The following TENM3 variants were observed in gnomAD, a reference collection of about 807,000 sequenced individuals.
TENM3 encodes teneurin transmembrane protein 3, also known as teneurin-3.
TENM3 carries 63 observed loss-of-function variants against 255.1 expected under a neutral mutation model. That is an observed-to-expected ratio of 0.25 (90% CI 0.20 to 0.30). The LOEUF is 0.30. TENM3 is among the 10% of genes least tolerant of loss of function. The probability of loss-of-function intolerance (pLI) is 1.00; values close to 1 mark genes in which losing one functional copy is unlikely to be tolerated. For synonymous variants in TENM3, 1,306 were observed against 1,322.3 expected (o/e 0.99, Z 0.27); for missense variants, 2,929 against 3,461.1 (o/e 0.85, Z 3.86).
the TENM3 span, among the ~76,000 whole-genome samples, chr4:181,724,488 C>G: frequency 6.6e-6 from 1 of 151,922 alleles, no homozygotes; most frequent in South Asian, 2.1e-4. Flanking sequence ...TTGTAATTTC[C>G]AAAAGCTCTT....
chr4:181,933,209 G>A, the TENM3 span, among the ~76,000 whole-genome samples: 188 of 152,240 alleles, frequency 1.2e-3, no homozygotes, highest in East Asian at 0.012. Flanking sequence ...CGTTTCTGAA[G>A]CCCAGTCAAA....
the TENM3 span, among the ~76,000 whole-genome samples, chr4:182,037,588 C>T: frequency 6.6e-5 from 10 of 152,112 alleles, no homozygotes; most frequent in Non-Finnish European, 1.2e-4. Flanking sequence ...TCTGCAGGAG[C>T]GAGTTACCAC....
intron 1 of TENM3, among the ~76,000 whole-genome samples, chr4:182,148,333 G>A (rs1395816820): frequency 1.3e-5 from 2 of 152,096 alleles, no homozygotes; most frequent in African/African-American, 4.8e-5. Context: ...CCAAACGAGT[G>A]TGATGGCTTG....
the TENM3 span, among the ~76,000 whole-genome samples, chr4:182,041,124 C>G: frequency 6.6e-6 from 1 of 152,084 alleles, no homozygotes; most frequent in African/African-American, 2.4e-5. Flanking sequence ...ACAGCGTAAC[C>G]TAAGATCTAA....
the TENM3 span, among the ~76,000 whole-genome samples, chr4:181,998,074 C>T: frequency 1.3e-5 from 2 of 152,318 alleles, no homozygotes; most frequent in African/African-American, 4.8e-5. Context: ...CTGTTTGCCA[C>T]TAACATGCTT....
intron 5 of TENM3, among the ~76,000 whole-genome samples, chr4:182,635,138 T>C (rs1751739651): frequency 6.6e-6 from 1 of 152,250 alleles, no homozygotes; most frequent in Non-Finnish European, 1.5e-5. Context: ...ATGAACTTTT[T>C]AAGGAACACT....
At chr4:182,066,721 T>C in the TENM3 span, among the ~76,000 whole-genome samples, 48 of 151,594 alleles carry the variant, frequency 3.2e-4, no homozygotes, top group East Asian at 9.7e-4. Flanking sequence ...CCGTCCTGGC[T>C]AACACCATGA....
the TENM3 span, among the ~76,000 whole-genome samples, chr4:181,652,384 C>A: frequency 1.3e-5 from 2 of 152,220 alleles, no homozygotes; most frequent in Non-Finnish European, 2.9e-5. Flanking sequence ...CTCGCCTACA[C>A]TCTCTACGAA....
chr4:182,026,804 G>A, the TENM3 span, among the ~76,000 whole-genome samples: 8 of 152,082 alleles, frequency 5.3e-5, no homozygotes, highest in Non-Finnish European at 1.0e-4. Flanking sequence ...TCTTTACTCT[G>A]TTCCATTTGA....
intron 24 of TENM3, among the ~76,000 whole-genome samples, chr4:182,784,759 T>G (rs111587991): frequency 6.6e-6 from 1 of 151,254 alleles, no homozygotes; most frequent in Non-Finnish European, 1.5e-5. Flanking sequence ...TCTCCTGGTG[T>G]GCCGTTTTTT....
At chr4:182,279,293 T>A (rs1373888526) in intron 1 of TENM3, among the ~76,000 whole-genome samples, 1 of 152,194 alleles carries the variant, frequency 6.6e-6, no homozygotes, top group African/African-American at 2.4e-5. Context: ...TGTATTAATA[T>A]ATGTATATAT....
At chr4:181,454,868 T>C in the TENM3 span, among the ~76,000 whole-genome samples, 4 of 151,964 alleles carry the variant, frequency 2.6e-5, no homozygotes, top group East Asian at 7.8e-4. Context: ...GTTAGATATA[T>C]GATATGGTCA....
chr4:182,110,550 TC>T, the TENM3 span, among the ~76,000 whole-genome samples: 1 of 152,106 alleles, frequency 6.6e-6, no homozygotes. Flanking sequence ...GTTCTCAAAT[TC>T]CTGGGCTCAT....
chr4:182,624,795 A>T (rs1212831054), intron 4 of TENM3, among the ~76,000 whole-genome samples: 3 of 152,242 alleles, frequency 2.0e-5, no homozygotes. Flanking sequence ...GGCAGAGGAA[A>T]CACAGAAAGG....
chr4:182,435,823 A>T (rs1320591140), intron 3 of TENM3, among the ~76,000 whole-genome samples: 2 of 152,330 alleles, frequency 1.3e-5, no homozygotes, highest in East Asian at 3.9e-4. Context: ...AAAAGGCATC[A>T]AACTCACAGT....
At chr4:182,712,117 T>G (rs1233075296) in intron 12 of TENM3, among the ~76,000 whole-genome samples, 1 of 152,226 alleles carries the variant, frequency 6.6e-6, no homozygotes, top group African/African-American at 2.4e-5. Flanking sequence ...CAATTTGTGT[T>G]TTGTTATTTT....
chr4:182,517,267 T>G (rs1295506006), intron 3 of TENM3, among the ~76,000 whole-genome samples: 1 of 152,170 alleles, frequency 6.6e-6, no homozygotes, highest in Non-Finnish European at 1.5e-5. Flanking sequence ...AAAAGGCTTC[T>G]GAAGTGTCGT....
the TENM3 span, among the ~76,000 whole-genome samples, chr4:181,453,743 T>G: frequency 2.0e-5 from 3 of 152,024 alleles, no homozygotes; most frequent in Non-Finnish European, 4.4e-5. Flanking sequence ...AGCAAAGTCT[T>G]CACTCCAACC....
the TENM3 span, among the ~76,000 whole-genome samples, chr4:181,928,938 A>G: frequency 6.6e-6 from 1 of 152,300 alleles, no homozygotes; most frequent in East Asian, 1.9e-4. Context: ...TAAACTTCAT[A>G]AGCGAAGAAG....
Sources: gnomAD v4.1 joint callset for allele counts (sites outside exome capture counted in the v4.1 genomes callset) on GRCh38, gnomAD v4.1.1 for gene constraint, MANE v1.5 for transcripts, NCBI Gene and HGNC (gene_info 2026-07-23, HGNC 2026-07-21) for gene names.